Variants in KCNAB1 observed in about 807,000 individuals in gnomAD.
KCNAB1 encodes voltage-gated potassium channel subunit beta-1.
In KCNAB1, 35 loss-of-function variants were observed where a neutral mutation model predicts 64.6. That is an observed-to-expected ratio of 0.54 (90% CI 0.41 to 0.72). The LOEUF (loss-of-function observed/expected upper bound fraction) is 0.72, where lower values mean the gene tolerates loss of function less well. KCNAB1 is among the 30% of genes least tolerant of loss of function. KCNAB1 has a pLI of 0.00. For missense variants in KCNAB1, 401 were observed against 512.9 expected (o/e 0.78, Z 2.11); for synonymous variants, 177 against 183.8 (o/e 0.96, Z 0.30).
intron 1 of KCNAB1, among the ~76,000 whole-genome samples, chr3:156,364,957 G>T (rs1725854130): frequency 6.6e-6 from 1 of 152,152 alleles, no homozygotes; most frequent in Non-Finnish European, 1.5e-5. Context: ...CCAGGAAAAA[G>T]GTAATAGCAA....
intron 1 of KCNAB1, among the ~76,000 whole-genome samples, chr3:156,329,407 G>T (rs1187110025): frequency 6.6e-6 from 1 of 152,114 alleles, no homozygotes; most frequent in Non-Finnish European, 1.5e-5. Flanking sequence ...TCCAAGAAAA[G>T]GATGGAAATC....
intron 1 of KCNAB1, among the ~76,000 whole-genome samples, chr3:156,161,607 A>G (rs1455332253): frequency 6.6e-6 from 1 of 151,874 alleles, no homozygotes; most frequent in Admixed American, 6.6e-5. Flanking sequence ...TTTCGTCCAT[A>G]TTTTCTTTTT....
In KCNAB1 at chr3:156,538,276, G is replaced by A. The variant is rs1274670833; in HGVS notation, c.*1529G>A. On this transcript the variant is annotated 3_prime_UTR_variant, in exon 14 of 14. Transcript: ENST00000490337. ...CACAGAAATCACTCTGAGGTTTACAGAAGAACTGTAATATTATTTTAAAAT... is the reference window on the plus strand; with the variant it reads ...CACAGAAATCACTCTGAGGTTTACAAAAGAACTGTAATATTATTTTAAAAT... 7.1e-6 allele frequency: 1 copy of A among 140,266 alleles called. No individual in the cohort carries two copies. Among genetic ancestry groups the A allele is most frequent in the African/African-American group, 2.7e-5 (1 of 36,830 alleles). 8.7% of individuals were successfully genotyped at this position (140,266 alleles called of 1,614,324 possible). A position where few individuals can be genotyped will look rare whatever the true frequency, so the allele number is the denominator to read the frequency against.
intron 1 of KCNAB1, among the ~76,000 whole-genome samples, chr3:156,221,554 G>T (rs1715737063): frequency 6.6e-6 from 1 of 152,126 alleles, no homozygotes; most frequent in Admixed American, 6.5e-5. Flanking sequence ...GAGGCGGGTG[G>T]ATCACCTGAG....
chr3:156,178,822 A>G (rs981636083), intron 1 of KCNAB1, among the ~76,000 whole-genome samples: 1 of 151,954 alleles, frequency 6.6e-6, no homozygotes, highest in Non-Finnish European at 1.5e-5. Flanking sequence ...TAACACGGTG[A>G]AACCCCGTTT....
At chr3:156,162,328 T>G (rs1204864145) in intron 1 of KCNAB1, among the ~76,000 whole-genome samples, 1 of 152,148 alleles carries the variant, frequency 6.6e-6, no homozygotes, top group Non-Finnish European at 1.5e-5. Flanking sequence ...TTTTTGTGCA[T>G]TATGTGAATC....
At chr3:156,152,571 T>A (rs1329156316) in intron 1 of KCNAB1, among the ~76,000 whole-genome samples, 4 of 152,242 alleles carry the variant, frequency 2.6e-5, no homozygotes, top group African/African-American at 9.6e-5. Flanking sequence ...AATTGTCTTC[T>A]GTCATTTTCT....
intron 11 of KCNAB1, among the ~76,000 whole-genome samples, chr3:156,518,630 A>T: frequency 6.6e-6 from 1 of 152,316 alleles, no homozygotes; most frequent in South Asian, 2.1e-4. Context: ...TAAGATTAAG[A>T]TGTTAATATT....
intron 1 of KCNAB1, among the ~76,000 whole-genome samples, chr3:156,382,719 T>G (rs984387561): frequency 2.0e-5 from 3 of 152,312 alleles, no homozygotes; most frequent in Middle Eastern, 3.4e-3. Flanking sequence ...TGTCTCTTCC[T>G]GACTGGAGCA....
At chr3:156,513,211 CAA>C (rs376183217) in intron 8 of KCNAB1, among the ~76,000 whole-genome samples, 1 of 144,748 alleles carries the variant, frequency 6.9e-6, no homozygotes, top group African/African-American at 2.5e-5. Flanking sequence ...GACTCCATCT[CAA>C]AAAAAAAACA....
intron 1 of KCNAB1, among the ~76,000 whole-genome samples, chr3:156,126,709 G>A (rs1034801397): frequency 2.2e-4 from 33 of 152,310 alleles, no homozygotes; most frequent in African/African-American, 7.5e-4. Flanking sequence ...AGATCCTGGA[G>A]CTAGGCTGCT....
intron 11 of KCNAB1, among the ~76,000 whole-genome samples, chr3:156,523,259 A>G (rs2108407901): frequency 6.6e-6 from 1 of 152,340 alleles, no homozygotes; most frequent in Non-Finnish European, 1.5e-5. Context: ...CCTATCAGTT[A>G]TGCCATGTCT....
intron 1 of KCNAB1, among the ~76,000 whole-genome samples, chr3:156,230,626 G>A (rs1388974966): frequency 6.6e-6 from 1 of 152,164 alleles, no homozygotes; most frequent in South Asian, 2.1e-4. Context: ...GAGAGAGAGA[G>A]AGAGAAAACA....
chr3:156,420,031 G>T (rs549165680), intron 1 of KCNAB1, among the ~76,000 whole-genome samples: 1 of 152,336 alleles, frequency 6.6e-6, no homozygotes, highest in East Asian at 1.9e-4. Flanking sequence ...CCATTTAGTG[G>T]TTCAAAATAT....
rs1712252237 is a variant in KCNAB1, at chr3:156,174,936, G to C, written c.275+54050G>C. Among the ~76,000 whole-genome samples the C allele has an allele frequency of 3.3e-5, 5 of 152,294 alleles. No individual in the cohort carries two copies. The South Asian group carries it at 1.0e-3, about 32-fold the overall frequency. On this transcript the variant is annotated intron_variant, in intron 1 of 13. Transcript: ENST00000490337. ...GTTGAACTCTTCCTCAAGTCTACAA[G>C]TGGAATTCTTCAGGGAAACATGGTG...
intron 1 of KCNAB1, among the ~76,000 whole-genome samples, chr3:156,188,707 A>G (rs936438363): frequency 6.6e-6 from 1 of 152,228 alleles, no homozygotes; most frequent in Admixed American, 6.5e-5. Flanking sequence ...TTTAAAATAT[A>G]CTTAACAACG....
intron 8 of KCNAB1, among the ~76,000 whole-genome samples, chr3:156,504,750 T>G (rs13087893): frequency 4.7e-5 from 4 of 85,514 alleles, no homozygotes; most frequent in Non-Finnish European, 9.6e-5. Flanking sequence ...TTGTTTTTTT[T>G]GTTTTTTTTT....
chr3:156,174,368 G>A (rs1203613722), intron 1 of KCNAB1, among the ~76,000 whole-genome samples: 1 of 152,246 alleles, frequency 6.6e-6, no homozygotes, highest in African/African-American at 2.4e-5. Flanking sequence ...GAGCTTATAA[G>A]GAGGAGCTGC....
intron 5 of KCNAB1, 150 bp from the exon 6 acceptor site, chr3:156,463,552 T>G: frequency 6.3e-6 from 4 of 635,090 alleles, no homozygotes; most frequent in Non-Finnish European, 8.0e-6. Flanking sequence ...TTTATTTCAG[T>G]GAGATGGATT....
Sources: gnomAD v4.1 joint callset for allele counts (sites outside exome capture counted in the v4.1 genomes callset) on GRCh38, gnomAD v4.1.1 for gene constraint, MANE v1.5 for transcripts, NCBI Gene and HGNC (gene_info 2026-07-23, HGNC 2026-07-21) for gene names.